Variants in ATG16L2 observed in about 807,000 individuals in gnomAD.
ATG16L2 encodes autophagy related 16 like 2.
ATG16L2 carries 77 observed loss-of-function variants against 84.7 expected under a neutral mutation model. That is an observed-to-expected ratio of 0.91 (90% confidence interval 0.76 to 1.10). The LOEUF is 1.10. Among genes scored for constraint, ATG16L2 ranks in the 50% least tolerant of loss-of-function variants. ATG16L2 has a pLI of 0.00. For missense variants in ATG16L2, 782 were observed against 817.6 expected (o/e 0.96, Z 0.53); for synonymous variants, 361 against 342.8 (o/e 1.05, Z -0.59).
intron 14 of ATG16L2, among the ~76,000 whole-genome samples, chr11:72,827,704 C>T (rs548925941): frequency 6.6e-6 from 1 of 152,082 alleles, no homozygotes; most frequent in Non-Finnish European, 1.5e-5. Context: ...TTTGGGAGGC[C>T]GAGGCGGGCA....
In ATG16L2 at chr11:72,822,603, C is replaced by T. The variant is rs868708826; in HGVS notation, c.710+60C>T. 20 of 1,585,022 alleles carry T rather than the reference C, an allele frequency of 1.3e-5. No individual in the cohort carries two copies. The Middle Eastern group carries it at 1.7e-3, about 133-fold the overall frequency. On this transcript the variant is annotated intron_variant, in intron 6 of 17. Coordinates refer to ENST00000321297, the MANE Select transcript of ATG16L2 (RefSeq NM_033388.2). This position sits in a 1 kb window ranked among gnomAD's most constrained non-coding sequence, Gnocchi z 4.2. ...TTCTGCCTCCCGCCCCGCCTGCCTG[C>T]GGCGACCCAGGCTGCCGACTGTACT...
downstream of ATG16L2, chr11:72,829,725 C>T: frequency 1.2e-6 from 1 of 858,126 alleles, no homozygotes; most frequent in Non-Finnish European, 1.4e-6. Context: ...CCCCTTCCTC[C>T]TTCCATACAG....
intron 5 of ATG16L2, chr11:72,840,975 A>G (rs372332271): frequency 1.3e-6 from 2 of 1,593,978 alleles, no homozygotes; most frequent in Middle Eastern, 1.7e-4. Context: ...GGAGAAAACC[A>G]AAGAAGCTCA....
rs756350179 is a variant in ATG16L2, at chr11:72,824,738, A to G, written c.892A>G (p.Lys298Glu). The change falls in exon 9 of 18, where the codon AAG becomes GAG. Residue 298 changes from lysine to glutamate, a missense_variant. Coordinates refer to ENST00000321297, the MANE Select transcript of ATG16L2 (RefSeq NM_033388.2). Reference protein sequence around the residue: ...VDVVKGLLDFKKRRGHSIGGA... With the variant: ...VDVVKGLLDFEKRRGHSIGGA... ...CCCCAACCCACCTTACCCCAGTTTTAAGAAGAGGAGAGGTCACTCAATTGG... is the reference window on the plus strand; with the variant it reads ...CCCCAACCCACCTTACCCCAGTTTTGAGAAGAGGAGAGGTCACTCAATTGG... The G allele has an allele frequency of 5.6e-6, 9 of 1,613,422 alleles. No homozygotes were observed. The South Asian group carries it at 7.7e-5, about 14-fold the overall frequency.
chr11:72,814,987 A>AG (rs1375246127), intron 1 of ATG16L2, among the ~76,000 whole-genome samples: 1 of 152,082 alleles, frequency 6.6e-6, no homozygotes, highest in African/African-American at 2.4e-5. Flanking sequence ...CCATCCGGAG[A>AG]GGGGCGACAC....
chr11:72,823,480 G>C (rs550885266), intron 7 of ATG16L2: 1 of 363,986 alleles, frequency 2.7e-6, no homozygotes, highest in Admixed American at 3.7e-5. Flanking sequence ...CATCCTTCTT[G>C]ATTTGCCTGT....
At chr11:72,827,107 C>T in intron 13 of ATG16L2, 81 bp from the exon 14 acceptor site, 2 of 1,138,470 alleles carry the variant, frequency 1.8e-6, no homozygotes, top group South Asian at 2.6e-5. Context: ...GGGTTCTGGG[C>T]CTCAGCTTCT....
At chr11:72,835,408 AGGT>A (rs1860704714) in intron 5 of ATG16L2, among the ~76,000 whole-genome samples, 1 of 122,684 alleles carries the variant, frequency 8.2e-6, no homozygotes. Context: ...AAGGCAGGAG[AGGT>A]GGTGGTGAGG....
chr11:72,826,129 G>C, intron 10 of ATG16L2, 44 bp from the exon 11 acceptor site: 1 of 1,528,762 alleles, frequency 6.5e-7, no homozygotes, highest in Non-Finnish European at 9.0e-7. Context: ...CATTTTGTGA[G>C]GTTAAGACCT....
intron 5 of ATG16L2, among the ~76,000 whole-genome samples, chr11:72,841,857 T>G: frequency 6.6e-6 from 1 of 152,208 alleles, no homozygotes; most frequent in South Asian, 2.1e-4. Context: ...AGGGTTCTAT[T>G]GAAAATGTAC....
chr11:72,831,393 C>T (rs535841740), downstream of ATG16L2, among the ~76,000 whole-genome samples: 1 of 152,316 alleles, frequency 6.6e-6, no homozygotes, highest in Non-Finnish European at 1.5e-5. Flanking sequence ...GTAATCCCAG[C>T]TACTTGGGAG....
intron 5 of ATG16L2, among the ~76,000 whole-genome samples, chr11:72,839,681 G>T (rs1402174894): frequency 1.3e-5 from 2 of 152,140 alleles, no homozygotes; most frequent in Admixed American, 1.3e-4. Context: ...ATGGGAGAAG[G>T]AACATGTCTG....
intron 17 of ATG16L2, 41 bp from the exon 18 acceptor site, chr11:72,829,262 T>C: frequency 6.2e-7 from 1 of 1,602,628 alleles, no homozygotes; most frequent in Non-Finnish European, 8.5e-7. Flanking sequence ...GCAGGCGCAG[T>C]TCCTGAAGCC....
In ATG16L2 at chr11:72,822,916, A is replaced by G; in HGVS notation, c.779A>G (p.Glu260Gly). Residue 260 changes from glutamate to glycine, a missense_variant, in exon 7 of 18, where the codon GAG becomes GGG. Physicochemically the swap from Glu to Gly is moderately conservative, Grantham distance 98. Coordinates refer to ENST00000321297, the MANE Select transcript of ATG16L2 (RefSeq NM_033388.2). The surrounding 1 kb of genome is among the most constrained non-coding windows in gnomAD (Gnocchi z 4.2). ...ACTCTGGCTCTGGCCCCTGAGCCAG[A>G]GCCCCTGGAGAAGGAAGCTTGTGAG... ...RETLALAPEP[E>G]PLEKEACEKW... The G allele has an allele frequency of 6.3e-7, 1 of 1,579,440 alleles. No homozygotes were observed. Among genetic ancestry groups the G allele is most frequent in the Non-Finnish European group, 8.6e-7 (1 of 1,162,406 alleles).
chr11:72,826,033 C>G, intron 10 of ATG16L2, 140 bp from the exon 11 acceptor site: 1 of 687,714 alleles, frequency 1.5e-6, no homozygotes. Flanking sequence ...GCCCGCAGAA[C>G]AGACCCAGCG....
intron 2 of ATG16L2, among the ~76,000 whole-genome samples, chr11:72,817,374 C>T (rs1298508218): frequency 1.3e-5 from 2 of 152,104 alleles, no homozygotes; most frequent in East Asian, 3.9e-4. Context: ...ACGTGCACCA[C>T]CACCCCCGGC....
At chr11:72,832,729 G>C (rs113984858), downstream of ATG16L2, among the ~76,000 whole-genome samples, 3,514 of 152,248 alleles carry the variant, frequency 0.023, 131 homozygotes, top group African/African-American at 0.078. Context: ...CAGCTCCTTC[G>C]GGTCACAGAG....
intron 14 of ATG16L2, among the ~76,000 whole-genome samples, chr11:72,827,640 G>A (rs1189979452): frequency 6.6e-6 from 1 of 152,222 alleles, no homozygotes; most frequent in Non-Finnish European, 1.5e-5. Context: ...TGAATTGTTT[G>A]TAAAAGCAAA....
intron 7 of ATG16L2, 186 bp downstream of exon 7, chr11:72,823,147 A>C: frequency 1.8e-6 from 1 of 551,674 alleles, no homozygotes; most frequent in Non-Finnish European, 3.2e-6. Flanking sequence ...GGTCAGTTCC[A>C]TCTCACCCCC....
Sources: gnomAD v4.1 joint callset for allele counts (sites outside exome capture counted in the v4.1 genomes callset) on GRCh38, gnomAD v4.1.1 for gene constraint, Gnocchi (gnomAD v3.1) non-coding constraint, MANE v1.5 for transcripts, NCBI Gene and HGNC (gene_info 2026-07-23, HGNC 2026-07-21) for gene names.